The following LRRC4C variants were observed in gnomAD, a reference collection of about 807,000 sequenced individuals.
LRRC4C encodes the protein leucine rich repeat containing 4C, also known as leucine-rich repeat-containing protein 4C.
In LRRC4C, 5 loss-of-function variants were observed where a neutral mutation model predicts 33.6. The ratio of observed to expected loss-of-function variants is 0.15; its 90% CI spans 0.08 to 0.31. The LOEUF (loss-of-function observed/expected upper bound fraction) is 0.31, where lower values mean the gene tolerates loss of function less well. Ranked by LOEUF, LRRC4C falls within the 10% of genes least tolerant of loss-of-function variation. The probability of loss-of-function intolerance (pLI) is 1.00; values close to 1 mark genes in which losing one functional copy is unlikely to be tolerated. For synonymous variants in LRRC4C, 329 were observed against 302.0 expected (o/e 1.09, Z -0.93); for missense variants, 560 against 796.7 (o/e 0.70, Z 3.58).
At chr11:40,372,301 C>A (rs1269685983) in intron 3 of LRRC4C, among the ~76,000 whole-genome samples, 2 of 152,150 alleles carry the variant, frequency 1.3e-5, no homozygotes, top group Non-Finnish European at 2.9e-5. Flanking sequence ...AATATAGGTG[C>A]CTAGTCCAAG....
At chr11:41,166,114 A>C (rs1944714436) in intron 1 of LRRC4C, among the ~76,000 whole-genome samples, 1 of 152,022 alleles carries the variant, frequency 6.6e-6, no homozygotes, top group African/African-American at 2.4e-5. Flanking sequence ...ATGGGTTTTA[A>C]ATCTGTATTT....
chr11:40,990,252 T>TATATAC (rs1555030630), intron 1 of LRRC4C, among the ~76,000 whole-genome samples: 7 of 139,528 alleles, frequency 5.0e-5, no homozygotes, highest in Non-Finnish European at 1.1e-4. Context: ...TATATATATA[T>TATATAC]ATATATATAT....
chr11:40,447,858 C>T (rs1951709900), intron 3 of LRRC4C, among the ~76,000 whole-genome samples: 1 of 152,102 alleles, frequency 6.6e-6, no homozygotes, highest in Admixed American at 6.6e-5. Flanking sequence ...GCTCTGTTGC[C>T]CAGGCTGGAG....
chr11:40,612,766 A>G (rs1319678247), intron 3 of LRRC4C, among the ~76,000 whole-genome samples: 1 of 151,906 alleles, frequency 6.6e-6, no homozygotes, highest in Non-Finnish European at 1.5e-5. Flanking sequence ...TCTTCTTAAA[A>G]TATGCAAGCT....
At chr11:41,179,122 G>T (rs1945333291) in intron 1 of LRRC4C, among the ~76,000 whole-genome samples, 1 of 151,750 alleles carries the variant, frequency 6.6e-6, no homozygotes, top group Non-Finnish European at 1.5e-5. Context: ...TAAGAGAAAT[G>T]GATAATAAAG....
intron 2 of LRRC4C, among the ~76,000 whole-genome samples, chr11:40,825,952 G>A (rs1000766935): frequency 3.1e-4 from 1 of 3,232 alleles, no homozygotes; most frequent in Non-Finnish European, 1.5e-3. Context: ...GGGGGGGGGC[G>A]TCTCACATAT....
intron 1 of LRRC4C, among the ~76,000 whole-genome samples, chr11:41,264,098 T>TC (rs930100094): frequency 5.3e-5 from 8 of 150,522 alleles, no homozygotes; most frequent in African/African-American, 2.0e-4. Context: ...TTTATTAATT[T>TC]TTTTTTTTTT....
chr11:40,460,574 T>C (rs1374685892), intron 3 of LRRC4C, among the ~76,000 whole-genome samples: 1 of 152,154 alleles, frequency 6.6e-6, no homozygotes, highest in African/African-American at 2.4e-5. Context: ...AAAGTAAACA[T>C]TTTTCAGTTC....
intron 4 of LRRC4C, among the ~76,000 whole-genome samples, chr11:40,295,654 C>T (rs1009208080): frequency 3.9e-5 from 6 of 152,116 alleles, no homozygotes; most frequent in Non-Finnish European, 8.8e-5. Flanking sequence ...CATGCTGTAA[C>T]GTGCATCTCA....
At chr11:40,775,603 C>T (rs886688085) in intron 2 of LRRC4C, among the ~76,000 whole-genome samples, 4 of 152,084 alleles carry the variant, frequency 2.6e-5, no homozygotes, top group African/African-American at 9.7e-5. Flanking sequence ...CATGGAGATG[C>T]TACTGATTTT....
intron 4 of LRRC4C, among the ~76,000 whole-genome samples, chr11:40,258,672 A>G (rs1056174812): frequency 2.0e-5 from 3 of 152,166 alleles, no homozygotes; most frequent in Non-Finnish European, 4.4e-5. Context: ...ATCTTTTATT[A>G]AGCCTATAAT....
chr11:40,210,943 T>A (rs972095505), intron 5 of LRRC4C, among the ~76,000 whole-genome samples: 1 of 151,884 alleles, frequency 6.6e-6, no homozygotes, highest in Non-Finnish European at 1.5e-5. Context: ...TGGCTAATTT[T>A]TTTTTGTATT....
intron 1 of LRRC4C, among the ~76,000 whole-genome samples, chr11:41,068,756 T>A (rs1234495760): frequency 6.6e-6 from 1 of 151,962 alleles, no homozygotes; most frequent in Non-Finnish European, 1.5e-5. Context: ...AGGCAGTAAT[T>A]ATTAACCTAC....
chr11:40,814,678 G>C (rs1257829067), intron 2 of LRRC4C, among the ~76,000 whole-genome samples: 1 of 151,268 alleles, frequency 6.6e-6, no homozygotes, highest in Non-Finnish European at 1.5e-5. Flanking sequence ...CATCTCGAAT[G>C]CTTTGCCACT....
intron 2 of LRRC4C, among the ~76,000 whole-genome samples, chr11:40,857,681 G>T (rs993988027): frequency 1.2e-4 from 19 of 152,142 alleles, no homozygotes; most frequent in African/African-American, 4.6e-4. Context: ...TTGGGAGGCC[G>T]AGGCAGGTAG....
chr11:41,149,341 A>G (rs1943879967), intron 1 of LRRC4C, among the ~76,000 whole-genome samples: 1 of 151,874 alleles, frequency 6.6e-6, no homozygotes, highest in African/African-American at 2.4e-5. Flanking sequence ...CCCCGTCTCT[A>G]CTAGAAATAC....
At chr11:40,983,925 A>C (rs1852724678) in intron 1 of LRRC4C, among the ~76,000 whole-genome samples, 1 of 152,182 alleles carries the variant, frequency 6.6e-6, no homozygotes, top group South Asian at 2.1e-4. Context: ...GAACATGTGA[A>C]TGTAGCTAAG....
At chr11:40,508,175 AC>A (rs1391708106) in intron 3 of LRRC4C, among the ~76,000 whole-genome samples, 2 of 152,190 alleles carry the variant, frequency 1.3e-5, no homozygotes, top group Non-Finnish European at 2.9e-5. Context: ...CCAACTATGT[AC>A]AAAATATATT....
intron 2 of LRRC4C, among the ~76,000 whole-genome samples, chr11:40,898,927 G>C (rs1956088878): frequency 6.6e-6 from 1 of 152,070 alleles, no homozygotes; most frequent in African/African-American, 2.4e-5. Flanking sequence ...GAAAGAACTA[G>C]CTCATCCTAT....
Sources: gnomAD v4.1 joint callset for allele counts (sites outside exome capture counted in the v4.1 genomes callset) on GRCh38, gnomAD v4.1.1 for gene constraint, MANE v1.5 for transcripts, NCBI Gene and HGNC (gene_info 2026-07-23, HGNC 2026-07-21) for gene names.